ENTREP1: variants seen among roughly 807,000 people sequenced by gnomAD.
ENTREP1 encodes the protein Friedreich ataxia region gene X123.
the ENTREP1 span, among the ~76,000 whole-genome samples, chr9:69,373,704 G>C: frequency 2.6e-5 from 4 of 152,156 alleles, no homozygotes; most frequent in African/African-American, 9.7e-5. Context: ...CCTAAGCGGA[G>C]TAGGTTCCCA....
chr9:69,338,028 T>G, the ENTREP1 span, among the ~76,000 whole-genome samples: 1 of 152,208 alleles, frequency 6.6e-6, no homozygotes, highest in Admixed American at 6.5e-5. Flanking sequence ...ACTGTATTGA[T>G]GGTCTTGAAA....
At chr9:69,352,656 A>G in the ENTREP1 span, among the ~76,000 whole-genome samples, 3 of 152,218 alleles carry the variant, frequency 2.0e-5, no homozygotes, top group Non-Finnish European at 4.4e-5. Context: ...GCTGGGCTGC[A>G]GTTCCAGAAG....
the ENTREP1 span, among the ~76,000 whole-genome samples, chr9:69,341,502 A>G: frequency 1.3e-5 from 2 of 152,192 alleles, no homozygotes; most frequent in Admixed American, 1.3e-4. Flanking sequence ...TTTTTCCTCT[A>G]AGAGTCCATA....
At chr9:69,361,461 G>A in the ENTREP1 span, among the ~76,000 whole-genome samples, 3 of 152,084 alleles carry the variant, frequency 2.0e-5, no homozygotes, top group Admixed American at 6.5e-5. Flanking sequence ...ATATGCATCC[G>A]TTGTTTGTTT....
At chr9:69,388,374 A>G in the ENTREP1 span, 56 of 1,614,036 alleles carry the variant, frequency 3.5e-5, no homozygotes, top group South Asian at 6.0e-4. Flanking sequence ...GAACTTGTAG[A>G]AAACATTAAA....
the ENTREP1 span, among the ~76,000 whole-genome samples, chr9:69,341,702 G>A: frequency 6.6e-6 from 1 of 152,126 alleles, no homozygotes; most frequent in Non-Finnish European, 1.5e-5. Flanking sequence ...TGGAGAGCTG[G>A]AGTGGTCAGA....
chr9:69,385,649 C>T, the ENTREP1 span: 14 of 1,264,064 alleles, frequency 1.1e-5, no homozygotes, highest in Non-Finnish European at 1.4e-5. Context: ...ACTGGGCCAG[C>T]AGCCTGAGTA....
At chr9:69,362,482 G>A in the ENTREP1 span, among the ~76,000 whole-genome samples, 25 of 152,256 alleles carry the variant, frequency 1.6e-4, no homozygotes, top group East Asian at 3.9e-4. Context: ...AACATAATTC[G>A]TTTTGCATAA....
the ENTREP1 span, chr9:69,387,850 C>A: frequency 7.9e-7 from 1 of 1,259,614 alleles, no homozygotes. Flanking sequence ...TTTGTCATAC[C>A]CCATGAAACT....
chr9:69,369,170 T>C, the ENTREP1 span, among the ~76,000 whole-genome samples: 1 of 152,232 alleles, frequency 6.6e-6, no homozygotes, highest in African/African-American at 2.4e-5. Flanking sequence ...TCATTCTTTT[T>C]TGTGGCTGCA....
At chr9:69,375,466 A>G in the ENTREP1 span, among the ~76,000 whole-genome samples, 20 of 152,218 alleles carry the variant, frequency 1.3e-4, no homozygotes, top group Admixed American at 1.3e-3. Flanking sequence ...GTTAGTACTA[A>G]ACAGGATTAG....
the ENTREP1 span, among the ~76,000 whole-genome samples, chr9:69,368,508 G>T: frequency 6.6e-6 from 1 of 152,130 alleles, no homozygotes. Flanking sequence ...AATTCCACTT[G>T]ATCGTGATGT....
chr9:69,365,638 T>C, the ENTREP1 span, among the ~76,000 whole-genome samples: 1 of 152,166 alleles, frequency 6.6e-6, no homozygotes, highest in Non-Finnish European at 1.5e-5. Context: ...TGTGTTTGTA[T>C]CCATTAACCA....
the ENTREP1 span, among the ~76,000 whole-genome samples, chr9:69,356,914 G>A: frequency 2.6e-5 from 4 of 152,218 alleles, no homozygotes; most frequent in East Asian, 5.8e-4. Flanking sequence ...AGCTAGATAT[G>A]TGCTGAGGGT....
the ENTREP1 span, among the ~76,000 whole-genome samples, chr9:69,345,679 T>G: frequency 6.6e-6 from 1 of 152,252 alleles, no homozygotes; most frequent in African/African-American, 2.4e-5. Context: ...CTTGGCCTTC[T>G]GCAACCTCCG....
the ENTREP1 span, among the ~76,000 whole-genome samples, chr9:69,348,831 A>T: frequency 6.6e-6 from 1 of 152,250 alleles, no homozygotes; most frequent in South Asian, 2.1e-4. Flanking sequence ...CATTATATGG[A>T]TATATCACAT....
chr9:69,380,446 C>T, the ENTREP1 span: 1 of 152,216 alleles, frequency 6.6e-6, no homozygotes, highest in Non-Finnish European at 1.5e-5. Context: ...ACAACAGAGG[C>T]TCCCCATTTC....
the ENTREP1 span, chr9:69,379,861 C>T: frequency 1.3e-5 from 2 of 152,244 alleles, no homozygotes; most frequent in Non-Finnish European, 2.9e-5. Flanking sequence ...TGAGCACTCC[C>T]GACCTTCCTG....
the ENTREP1 span, among the ~76,000 whole-genome samples, chr9:69,344,271 G>A: frequency 4.6e-5 from 7 of 152,154 alleles, no homozygotes; most frequent in Admixed American, 1.3e-4. Context: ...GTGTGTGTGC[G>A]TGTGTGGTGT....
Sources: allele counts gnomAD v4.1 joint callset (sites outside exome capture counted in the v4.1 genomes callset), GRCh38; gene constraint gnomAD v4.1.1; transcripts MANE v1.5; gene names NCBI Gene and HGNC (gene_info 2026-07-23, HGNC 2026-07-21).